Variants in CNFN observed in about 807,000 individuals in gnomAD.
The protein encoded by CNFN is cornifelin.
In CNFN, 10 loss-of-function variants were observed where a neutral mutation model predicts 14.9. The observed-to-expected ratio is 0.67, with a 90% CI of 0.41 to 1.14. The LOEUF (loss-of-function observed/expected upper bound fraction) is 1.14. Ranked by LOEUF, CNFN falls within the 50% of genes most tolerant of loss-of-function variation. The pLI, the probability that CNFN is intolerant of heterozygous loss-of-function variation, is 0.00. For missense variants in CNFN, 165 were observed against 152.8 expected (o/e 1.08, Z -0.42); for synonymous variants, 66 against 60.0 (o/e 1.10, Z -0.46).
chr19:42,389,694 G>T, intron 1 of CNFN: 1 of 432,738 alleles, frequency 2.3e-6, no homozygotes, highest in Non-Finnish European at 4.4e-6. Context: ...GGCCAAGTCA[G>T]CCTGTCAACC....
At chr19:42,387,993 A>C (rs1236706069) in intron 2 of CNFN, among the ~76,000 whole-genome samples, 1 of 148,786 alleles carries the variant, frequency 6.7e-6, no homozygotes, top group Admixed American at 6.7e-5. Flanking sequence ...AAAAACAAAA[A>C]ACAAAACAAA....
Position 42,388,985 on chromosome 19 carries a change from T to C in CNFN, c.53A>G (p.Gln18Arg). The C allele has an allele frequency of 6.2e-7, 1 of 1,613,932 alleles. No individual in the cohort carries two copies. Among genetic ancestry groups the C allele is most frequent in the Non-Finnish European group, 8.5e-7 (1 of 1,179,982 alleles). The change falls in exon 2 of 4, where the codon CAG (glutamine) becomes CGG (arginine). Residue 18 changes from glutamine to arginine, a missense_variant. By Grantham distance (43) the Gln-to-Arg change is conservative (BLOSUM62 1). Coordinates refer to ENST00000222032, the MANE Select transcript of CNFN (RefSeq NM_032488.4). ...TGTGTGCCAGTCACTGAGCTGGGTC[T>C]GGTAGCAGCTGGTGGTGGCGCACTG... The part of the protein sequence containing the change: ...QPQCATTSCY[Q>R]TQLSDWHTGL...
chr19:42,388,580 G>A (rs1313275717), intron 2 of CNFN, among the ~76,000 whole-genome samples: 1 of 152,172 alleles, frequency 6.6e-6, no homozygotes, highest in Non-Finnish European at 1.5e-5. Flanking sequence ...GGATTGTCAT[G>A]CCTTGGCCTC....
chr19:42,387,460 A>G lies in CNFN; in HGVS notation c.129T>C (p.Phe43=). The change falls in exon 3 of 4, where the codon TTT becomes TTC. Residue 43 remains phenylalanine (F), a synonymous_variant. Transcript: ENST00000222032. ...NDMPVCLCGT[F]APLCLACRIS... The stretch of plus-strand genomic sequence containing the variant: ...TGCGGCAGGCAAGGCACAGAGGAGC[A>G]AAAGTGCCGCACAGACCTGGGCGGG... 6.3e-7 allele frequency: 1 copy of G among 1,589,348 alleles called. No homozygotes were observed. The highest frequency in any genetic ancestry group is 1.8e-5 in the Admixed American group (1 of 57,006).
intron 1 of CNFN, 121 bp downstream of exon 1, chr19:42,390,119 G>A (rs901952539): frequency 1.3e-5 from 2 of 156,164 alleles, no homozygotes; most frequent in Non-Finnish European, 1.4e-5. Flanking sequence ...GAGATGTCCC[G>A]AGAGACCGAC....
At chr19:42,389,131 T>G in intron 1 of CNFN, 92 bp from the exon 2 acceptor site, 1 of 981,558 alleles carries the variant, frequency 1.0e-6, no homozygotes. Flanking sequence ...CCGGGCAGTC[T>G]GGGCGGGGCC....
chr19:42,388,000 C>CAAAAAAAAAAAAA (rs1182517143), intron 2 of CNFN, among the ~76,000 whole-genome samples: 5 of 138,808 alleles, frequency 3.6e-5, no homozygotes, highest in South Asian at 2.3e-4. Context: ...AAAAACAAAA[C>CAAAAAAAAAAAAA]AAAAAAAAAA....
At position 42,387,108 on chromosome 19, in the gene CNFN, A is replaced by T. The variant is rs549673596; in HGVS notation, c.*45T>A. On this transcript the variant is annotated 3_prime_UTR_variant, in exon 4 of 4. Coordinates refer to ENST00000222032, the MANE Select transcript of CNFN (RefSeq NM_032488.4). ...CTCCCAGGAGTGGCCAGAGAAGGCC[A>T]GAGGCGAGACTGGTGGAAAAGGACG... The T allele has an allele frequency of 7.6e-5, 121 of 1,597,138 alleles. No individual in the cohort carries two copies. In the South Asian group the frequency reaches 1.1e-3, roughly 15 times the overall value.
intron 1 of CNFN, chr19:42,389,632 A>C: frequency 2.3e-6 from 1 of 433,714 alleles, no homozygotes; most frequent in Non-Finnish European, 3.6e-6. Flanking sequence ...GGGGCAAGGG[A>C]CTGGGGCACT....
chr19:42,389,647 GCTGGGCTCTCA>G, intron 1 of CNFN: 1 of 558,288 alleles, frequency 1.8e-6, no homozygotes, highest in Non-Finnish European at 2.8e-6. Context: ...GGCACTGGGG[GCTGGGCTCTCA>G]GGGGGAGGGG....
intron 2 of CNFN, among the ~76,000 whole-genome samples, chr19:42,388,169 G>A (rs949483168): frequency 2.6e-5 from 4 of 151,754 alleles, no homozygotes; most frequent in African/African-American, 9.7e-5. Context: ...CTACTGGTGT[G>A]TGCCACCACC....
intron 2 of CNFN, among the ~76,000 whole-genome samples, chr19:42,388,353 C>CA (rs2039871755): frequency 6.9e-6 from 1 of 145,524 alleles, no homozygotes; most frequent in Admixed American, 6.8e-5. Context: ...CCACCACGCC[C>CA]GGTTTTTTTT....
chr19:42,389,107 C>T, intron 1 of CNFN, 68 bp from the exon 2 acceptor site: 7 of 1,222,836 alleles, frequency 5.7e-6, no homozygotes, highest in Non-Finnish European at 7.0e-6. Flanking sequence ...GCACTTCGGC[C>T]ACCCTTCCCT....
chr19:42,388,366 T>TG (rs1397163678), intron 2 of CNFN, among the ~76,000 whole-genome samples: 1 of 150,738 alleles, frequency 6.6e-6, no homozygotes, highest in Admixed American at 6.6e-5. Context: ...TTTTTTTTTT[T>TG]GTATTTTTAG....
rs540252315 is a variant in CNFN, at chr19:42,390,223, G to A, written c.-3+17C>T. 6.5e-6 allele frequency: 1 copy of A among 153,104 alleles called. No homozygotes were observed. Among genetic ancestry groups the A allele is most frequent in the South Asian group, 2.1e-4 (1 of 4,866 alleles). 9.5% of individuals were successfully genotyped at this position (153,104 alleles called of 1,614,324 possible). On this transcript the variant is annotated intron_variant, in intron 1 of 3. Coordinates refer to ENST00000222032, the MANE Select transcript of CNFN (RefSeq NM_032488.4). Reference sequence around the variant, plus strand: ...GCCCAACCTCAAAGAAGAGGGCTGCGGAGGGGATGTTCCTACCTGCAGGAT... The same window carrying A: ...GCCCAACCTCAAAGAAGAGGGCTGCAGAGGGGATGTTCCTACCTGCAGGAT...
Position 42,387,248 on chromosome 19 carries a change from G to A in CNFN, c.250-6C>T, listed in dbSNP as rs146504210. 1,734 of 1,613,312 alleles carry A rather than the reference G, an allele frequency of 1.1e-3. 9 individuals are homozygous for A. In the African/African-American group the frequency reaches 0.011, roughly 11 times the overall value. On this transcript the variant is annotated splice_region_variant and splice_polypyrimidine_tract_variant and intron_variant, in intron 3 of 3. Transcript: ENST00000222032. The stretch of plus-strand genomic sequence containing the variant: ...CAGTCGTGCCCGACGGAGCCCTAGA[G>A]GGTAGGAGAGAGCGGTCAGGAGCCC...
chr19:42,387,904 C>A (rs143607467), intron 2 of CNFN, among the ~76,000 whole-genome samples: 11,728 of 144,858 alleles, frequency 0.081, 535 homozygotes, highest in Middle Eastern at 0.21. Context: ...CGCTTGAACC[C>A]GGGAAGCGGA....
intron 2 of CNFN, among the ~76,000 whole-genome samples, chr19:42,387,995 C>CAAAAAAAAAAAAA (rs755521374): frequency 5.6e-5 from 2 of 35,962 alleles, no homozygotes; most frequent in Non-Finnish European, 1.3e-4. Flanking sequence ...AAACAAAAAA[C>CAAAAAAAAAAAAA]AAAACAAAAA....
chr19:42,388,234 C>T (rs1568586022), intron 2 of CNFN, among the ~76,000 whole-genome samples: 1 of 151,776 alleles, frequency 6.6e-6, no homozygotes, highest in African/African-American at 2.4e-5. Flanking sequence ...CGCTCTGTTG[C>T]CCAGACTGGA....
Sources: allele counts gnomAD v4.1 joint callset (sites outside exome capture counted in the v4.1 genomes callset), GRCh38; gene constraint gnomAD v4.1.1; transcripts MANE v1.5; gene names NCBI Gene and HGNC (gene_info 2026-07-23, HGNC 2026-07-21).